Variants in RSU1 observed in about 807,000 individuals in gnomAD.
The protein encoded by RSU1 is rsu-1.
Under a neutral mutation model 31.1 loss-of-function variants are expected in RSU1, and 26 were observed. That is an observed-to-expected ratio of 0.84 (90% confidence interval 0.61 to 1.16). The LOEUF (loss-of-function observed/expected upper bound fraction) is 1.16. Among genes scored for constraint, RSU1 ranks in the 50% most tolerant of loss-of-function variants. The pLI, the probability that RSU1 is intolerant of heterozygous loss-of-function variation, is 0.00. For missense variants in RSU1, 320 were observed against 339.1 expected (o/e 0.94, Z 0.44); for synonymous variants, 164 against 136.3 (o/e 1.20, Z -1.41).
chr10:16,648,887 T>C (rs1293026599), intron 8 of RSU1, among the ~76,000 whole-genome samples: 1 of 152,166 alleles, frequency 6.6e-6, no homozygotes, highest in African/African-American at 2.4e-5. Flanking sequence ...GTCACAACTA[T>C]AAAAGCATTA....
chr10:16,716,632 A>G (rs1199654563), intron 7 of RSU1, among the ~76,000 whole-genome samples: 1 of 152,090 alleles, frequency 6.6e-6, no homozygotes, highest in Admixed American at 6.5e-5. Flanking sequence ...AGGCACTGAT[A>G]AGCGTATTTC....
At chr10:16,617,354 G>T (rs1465924055) in intron 8 of RSU1, among the ~76,000 whole-genome samples, 1 of 152,070 alleles carries the variant, frequency 6.6e-6, no homozygotes, top group Middle Eastern at 3.2e-3. Context: ...AGAAATGGAA[G>T]AACATTCCAT....
At chr10:16,691,622 G>A (rs1406697499) in intron 8 of RSU1, among the ~76,000 whole-genome samples, 4 of 151,244 alleles carry the variant, frequency 2.6e-5, no homozygotes, top group Non-Finnish European at 4.4e-5. Flanking sequence ...CCTCCCAGCA[G>A]AGCATCATGT....
intron 7 of RSU1, among the ~76,000 whole-genome samples, chr10:16,697,226 A>G (rs45536041): frequency 6.6e-6 from 1 of 152,212 alleles, no homozygotes; most frequent in African/African-American, 2.4e-5. Flanking sequence ...CTGCAGCTCA[A>G]TATATCTCTC....
intron 3 of RSU1, among the ~76,000 whole-genome samples, chr10:16,775,849 C>A (rs1293628054): frequency 3.9e-5 from 6 of 152,016 alleles, no homozygotes; most frequent in Admixed American, 2.6e-4. Context: ...GATAAATGTG[C>A]AGTAATTTAA....
At chr10:16,725,741 GC>G (rs1836380507) in intron 7 of RSU1, among the ~76,000 whole-genome samples, 1 of 150,428 alleles carries the variant, frequency 6.6e-6, no homozygotes, top group South Asian at 2.1e-4. Context: ...AGGCTTCCCA[GC>G]CCCCAGAATG....
Position 16,764,381 on chromosome 10 carries a change from G to A in RSU1, c.281+9C>T. 6.2e-7 allele frequency: 1 copy of A among 1,609,500 alleles called. No individual in the cohort carries two copies. Among genetic ancestry groups the A allele is most frequent in the Non-Finnish European group, 8.5e-7 (1 of 1,177,620 alleles). On this transcript the variant is annotated intron_variant, in intron 4 of 8. Transcript: ENST00000345264. ...TCCTCTCCATCCTTTCCGCTCCACTGATACTCACCCAAGGTTCAGGTGTTT... is the reference window on the plus strand; with the variant it reads ...TCCTCTCCATCCTTTCCGCTCCACTAATACTCACCCAAGGTTCAGGTGTTT...
chr10:16,788,090 G>GA (rs140561720), intron 2 of RSU1, among the ~76,000 whole-genome samples: 3,482 of 151,096 alleles, frequency 0.023, 154 homozygotes, highest in African/African-American at 0.08. Context: ...AGTCTGACAT[G>GA]AAAAAAATCT....
chr10:16,673,339 C>G (rs554242280), intron 8 of RSU1, among the ~76,000 whole-genome samples: 20 of 152,208 alleles, frequency 1.3e-4, no homozygotes, highest in Non-Finnish European at 2.5e-4. Context: ...CCAACATGAA[C>G]AGAGCAGCTA....
chr10:16,597,309 C>A (rs1436777913), intron 8 of RSU1, among the ~76,000 whole-genome samples: 1 of 152,168 alleles, frequency 6.6e-6, no homozygotes, highest in Non-Finnish European at 1.5e-5. Flanking sequence ...TCGGAGCGAA[C>A]TGGAATGTTC....
At chr10:16,759,440 T>C (rs903036739) in intron 4 of RSU1, among the ~76,000 whole-genome samples, 5 of 152,088 alleles carry the variant, frequency 3.3e-5, no homozygotes, top group Non-Finnish European at 7.4e-5. Flanking sequence ...CCAGGAGGCA[T>C]AGGTTGCAGT....
At chr10:16,717,088 C>G (rs1384559946) in intron 7 of RSU1, among the ~76,000 whole-genome samples, 1 of 151,942 alleles carries the variant, frequency 6.6e-6, no homozygotes, top group South Asian at 2.1e-4. Flanking sequence ...ATATAAATAC[C>G]CTTGAATCCA....
chr10:16,738,626 G>A (rs1009702000), intron 7 of RSU1, among the ~76,000 whole-genome samples: 1 of 151,884 alleles, frequency 6.6e-6, no homozygotes, highest in African/African-American at 2.4e-5. Context: ...ATCAAAGGGG[G>A]GAAAAATGGA....
intron 2 of RSU1, among the ~76,000 whole-genome samples, chr10:16,803,105 A>T (rs1489856079): frequency 3.9e-5 from 6 of 152,168 alleles, no homozygotes; most frequent in Non-Finnish European, 7.4e-5. Flanking sequence ...CTCCACAGAT[A>T]ATATGATGTG....
At chr10:16,634,584 T>C (rs1044493885) in intron 8 of RSU1, among the ~76,000 whole-genome samples, 1 of 152,236 alleles carries the variant, frequency 6.6e-6, no homozygotes, top group Non-Finnish European at 1.5e-5. Flanking sequence ...CTCTGCATCT[T>C]ATGTTCTAGA....
intron 8 of RSU1, among the ~76,000 whole-genome samples, chr10:16,606,494 T>C (rs1278138193): frequency 2.6e-5 from 4 of 152,098 alleles, no homozygotes; most frequent in Non-Finnish European, 5.9e-5. Context: ...GAATTTTTAT[T>C]ATCATGGAAG....
At chr10:16,805,511 A>T (rs1838247600) in intron 2 of RSU1, among the ~76,000 whole-genome samples, 2 of 151,302 alleles carry the variant, frequency 1.3e-5, no homozygotes, top group African/African-American at 4.8e-5. Flanking sequence ...CTCTACTAAA[A>T]ATACAAAAAA....
At chr10:16,634,807 G>A (rs1043853307) in intron 8 of RSU1, among the ~76,000 whole-genome samples, 4 of 152,184 alleles carry the variant, frequency 2.6e-5, no homozygotes, top group Non-Finnish European at 4.4e-5. Flanking sequence ...CCTAAGATTT[G>A]CTAAGACTTA....
intron 8 of RSU1, among the ~76,000 whole-genome samples, chr10:16,694,311 T>C (rs1389127920): frequency 1.3e-5 from 2 of 152,198 alleles, no homozygotes; most frequent in African/African-American, 4.8e-5. Context: ...AGCTTCTCTA[T>C]AATAGAATGA....
Sources: gnomAD v4.1 joint callset for allele counts (sites outside exome capture counted in the v4.1 genomes callset) on GRCh38, gnomAD v4.1.1 for gene constraint, MANE v1.5 for transcripts, NCBI Gene and HGNC (gene_info 2026-07-23, HGNC 2026-07-21) for gene names.